Variants in TBC1D5 observed in about 807,000 individuals in gnomAD.
The protein encoded by TBC1D5 is TBC1 domain family, member 5.
Under a neutral mutation model 100.3 loss-of-function variants are expected in TBC1D5, and 75 were observed. The ratio of observed to expected loss-of-function variants is 0.75; its 90% CI spans 0.62 to 0.91. The LOEUF (loss-of-function observed/expected upper bound fraction) is 0.91. Ranked by LOEUF, TBC1D5 falls within the 40% of genes least tolerant of loss-of-function variation. The pLI, the probability that TBC1D5 is intolerant of heterozygous loss-of-function variation, is 0.00. For missense variants in TBC1D5, 910 were observed against 942.4 expected (o/e 0.97, Z 0.45); for synonymous variants, 323 against 325.6 (o/e 0.99, Z 0.09).
At chr3:17,285,611 G>A (rs1245901735) in intron 15 of TBC1D5, among the ~76,000 whole-genome samples, 2 of 152,160 alleles carry the variant, frequency 1.3e-5, no homozygotes, top group Non-Finnish European at 2.9e-5. Context: ...ATGGCATTAA[G>A]GAAAGGAACA....
chr3:17,543,380 C>A (rs114496034), intron 2 of TBC1D5, among the ~76,000 whole-genome samples: 2,829 of 152,200 alleles, frequency 0.019, 75 homozygotes, highest in African/African-American at 0.064. Context: ...CACCTGTAAT[C>A]CCAGCACCGT....
At chr3:17,538,814 G>A (rs141889252) in intron 2 of TBC1D5, among the ~76,000 whole-genome samples, 45 of 152,282 alleles carry the variant, frequency 3.0e-4, no homozygotes, top group Admixed American at 9.2e-4. Context: ...TAAGGCAGGC[G>A]GATCACTTGA....
intron 17 of TBC1D5, among the ~76,000 whole-genome samples, chr3:17,224,397 A>G (rs1559442988): frequency 6.6e-6 from 1 of 152,264 alleles, no homozygotes; most frequent in Non-Finnish European, 1.5e-5. Flanking sequence ...AAGTAAAGAA[A>G]GATAAAATTA....
At chr3:17,692,898 G>C (rs1200212666) in intron 1 of TBC1D5, among the ~76,000 whole-genome samples, 1 of 152,244 alleles carries the variant, frequency 6.6e-6, no homozygotes, top group Non-Finnish European at 1.5e-5. Flanking sequence ...GGGAAGCCAA[G>C]GCAGGCAGAT....
intron 15 of TBC1D5, among the ~76,000 whole-genome samples, chr3:17,284,352 G>A (rs893361144): frequency 1.3e-5 from 2 of 152,044 alleles, no homozygotes; most frequent in African/African-American, 4.8e-5. Flanking sequence ...TCCTGACTTC[G>A]AGTGATCCGC....
chr3:17,345,732 A>G (rs577686259), intron 13 of TBC1D5, among the ~76,000 whole-genome samples: 1 of 152,324 alleles, frequency 6.6e-6, no homozygotes, highest in African/African-American at 2.4e-5. Flanking sequence ...ATGGAATACT[A>G]TGCAGCCATA....
chr3:17,197,866 A>G (rs562445173), intron 18 of TBC1D5, among the ~76,000 whole-genome samples: 1 of 152,200 alleles, frequency 6.6e-6, no homozygotes, highest in East Asian at 1.9e-4. Flanking sequence ...GTGAAACCCC[A>G]TGTCTACAAA....
At chr3:17,715,158 T>G (rs915337001) in intron 1 of TBC1D5, among the ~76,000 whole-genome samples, 1 of 152,260 alleles carries the variant, frequency 6.6e-6, no homozygotes, top group Non-Finnish European at 1.5e-5. Flanking sequence ...ATACTGCAAA[T>G]CTGTCACTCT....
At chr3:17,314,508 G>A (rs1322432198) in intron 13 of TBC1D5, among the ~76,000 whole-genome samples, 1 of 151,990 alleles carries the variant, frequency 6.6e-6, no homozygotes, top group East Asian at 1.9e-4. Context: ...CTAGTTCCCT[G>A]CATGCCCATA....
chr3:17,541,364 GGTTT>G (rs1560120131), intron 2 of TBC1D5, among the ~76,000 whole-genome samples: 1 of 151,874 alleles, frequency 6.6e-6, no homozygotes, highest in East Asian at 1.9e-4. Flanking sequence ...AAATTTATAT[GGTTT>G]ATTTCAATAA....
At chr3:17,180,200 C>T (rs1559361301) in intron 19 of TBC1D5, among the ~76,000 whole-genome samples, 1 of 152,136 alleles carries the variant, frequency 6.6e-6, no homozygotes, top group African/African-American at 2.4e-5. Flanking sequence ...GTCTCTAAAC[C>T]TTTGAATTCA....
chr3:17,687,362 G>T (rs978373355), intron 1 of TBC1D5, among the ~76,000 whole-genome samples: 1 of 152,074 alleles, frequency 6.6e-6, no homozygotes. Flanking sequence ...ACCAAGGAAT[G>T]ACAAAAATGT....
chr3:17,325,413 C>A (rs2085971738), intron 13 of TBC1D5, among the ~76,000 whole-genome samples: 2 of 150,316 alleles, frequency 1.3e-5, no homozygotes, highest in African/African-American at 4.9e-5. Context: ...ACCTTCACCT[C>A]CTGGGTTGAA....
chr3:17,193,459 T>C (rs946877830), intron 18 of TBC1D5, among the ~76,000 whole-genome samples: 1 of 152,224 alleles, frequency 6.6e-6, no homozygotes, highest in Non-Finnish European at 1.5e-5. Context: ...CAGGTTAAAA[T>C]AATTAATTCA....
intron 9 of TBC1D5, among the ~76,000 whole-genome samples, chr3:17,377,588 AAAAAT>A (rs1349318783): frequency 6.6e-6 from 1 of 152,048 alleles, no homozygotes. Flanking sequence ...TAGAGGAAAT[AAAAAT>A]AAAATACGAA....
At chr3:17,533,267 G>A (rs894300763) in intron 2 of TBC1D5, among the ~76,000 whole-genome samples, 3 of 152,050 alleles carry the variant, frequency 2.0e-5, no homozygotes, top group African/African-American at 4.8e-5. Flanking sequence ...ACCATTTAAT[G>A]CCAATATATA....
chr3:17,167,825 T>C (rs753832136), exon 20 of TBC1D5: 7 of 1,594,342 alleles, frequency 4.4e-6, no homozygotes, highest in Non-Finnish European at 6.0e-6. Context: ...ATCTTGAATA[T>C]TTACTGAAAA....
At chr3:17,381,663 A>AT (rs531934784) in intron 9 of TBC1D5, among the ~76,000 whole-genome samples, 11 of 151,796 alleles carry the variant, frequency 7.2e-5, no homozygotes, top group African/African-American at 1.2e-4. Flanking sequence ...ACACTAATAG[A>AT]TTTTTTCCCC....
At chr3:17,309,214 TAGAG>T (rs1007818986) in intron 13 of TBC1D5, among the ~76,000 whole-genome samples, 13 of 151,992 alleles carry the variant, frequency 8.6e-5, no homozygotes, top group Middle Eastern at 3.4e-3. Context: ...ATATTTTCCT[TAGAG>T]AGCAATATAT....
Sources: allele counts gnomAD v4.1 joint callset (sites outside exome capture counted in the v4.1 genomes callset), GRCh38; gene constraint gnomAD v4.1.1; transcripts MANE v1.5; gene names NCBI Gene and HGNC (gene_info 2026-07-23, HGNC 2026-07-21).